N4BP2: variants seen among roughly 807,000 people sequenced by gnomAD.
N4BP2 encodes the protein NEDD4 binding protein 2.
N4BP2 carries 91 observed loss-of-function variants against 152.8 expected under a neutral mutation model. The ratio of observed to expected loss-of-function variants is 0.60; its 90% CI spans 0.50 to 0.71. The LOEUF is 0.71. Among genes scored for constraint, N4BP2 ranks in the 30% least tolerant of loss-of-function variants. The pLI is 0.00. For missense variants in N4BP2, 1,923 were observed against 2,059.1 expected (o/e 0.93, Z 1.28); for synonymous variants, 646 against 705.3 (o/e 0.92, Z 1.33).
At chr4:40,109,258 G>A (rs1716630532) in intron 5 of N4BP2, among the ~76,000 whole-genome samples, 1 of 152,144 alleles carries the variant, frequency 6.6e-6, no homozygotes, top group African/African-American at 2.4e-5. Flanking sequence ...AAAACCAAAG[G>A]AGGCAGTATG....
intron 16 of N4BP2, among the ~76,000 whole-genome samples, chr4:40,146,313 C>T (rs1448618596): frequency 6.6e-6 from 1 of 152,092 alleles, no homozygotes; most frequent in Non-Finnish European, 1.5e-5. Flanking sequence ...GTATATTTAA[C>T]TACACTGTCA....
chr4:40,088,050 G>A (rs1238127459), intron 2 of N4BP2, among the ~76,000 whole-genome samples: 1 of 152,060 alleles, frequency 6.6e-6, no homozygotes, highest in Non-Finnish European at 1.5e-5. Flanking sequence ...GAGCCACCAC[G>A]CCCGGCTACG....
At chr4:40,079,515 C>T (rs1713141472) in intron 2 of N4BP2, among the ~76,000 whole-genome samples, 1 of 149,186 alleles carries the variant, frequency 6.7e-6, no homozygotes, top group Admixed American at 6.8e-5. Context: ...CAAATAATGT[C>T]AGTATTGACC....
chr4:40,184,326 A>AT, the N4BP2 span, among the ~76,000 whole-genome samples: 5 of 149,274 alleles, frequency 3.3e-5, no homozygotes, highest in African/African-American at 1.2e-4. Context: ...ACTTCACATT[A>AT]TTTTTTTTTC....
intron 11 of N4BP2, among the ~76,000 whole-genome samples, chr4:40,125,732 C>CA (rs1408567585): frequency 3.9e-5 from 6 of 151,990 alleles, no homozygotes; most frequent in Non-Finnish European, 8.8e-5. Flanking sequence ...ACTAAAAATA[C>CA]AAAAACTAGC....
intron 12 of N4BP2, 42 bp downstream of exon 12, chr4:40,126,372 G>A: frequency 1.0e-6 from 1 of 977,716 alleles, no homozygotes; most frequent in Non-Finnish European, 1.5e-6. Flanking sequence ...CTCTGATTCT[G>A]GTTTATTGTG....
intron 2 of N4BP2, among the ~76,000 whole-genome samples, chr4:40,094,866 C>T (rs1366348997): frequency 6.6e-6 from 1 of 151,236 alleles, no homozygotes; most frequent in African/African-American, 2.4e-5. Context: ...GTGATCTTGG[C>T]TCACTGCACC....
At chr4:40,124,109 T>G in intron 10 of N4BP2, 51 bp from the exon 11 acceptor site, 1 of 1,423,834 alleles carries the variant, frequency 7.0e-7, no homozygotes. Context: ...GTATCCTTGT[T>G]TACTAATGCA....
At chr4:40,115,937 A>C (rs1426728674) in intron 7 of N4BP2, among the ~76,000 whole-genome samples, 2 of 152,154 alleles carry the variant, frequency 1.3e-5, no homozygotes, top group African/African-American at 4.8e-5. Flanking sequence ...TCTCCTTATA[A>C]TTCTGCCTAT....
intron 14 of N4BP2, chr4:40,142,206 AT>A (rs1720076908): frequency 4.1e-6 from 1 of 245,468 alleles, no homozygotes; most frequent in African/African-American, 2.3e-5. Context: ...CTCTGCACTT[AT>A]TCTCTTAAAT....
intron 1 of N4BP2, among the ~76,000 whole-genome samples, chr4:40,060,754 C>T (rs924114211): frequency 6.7e-6 from 1 of 150,062 alleles, no homozygotes. Flanking sequence ...AGGCACATAC[C>T]GCTGTGCCTG....
Position 40,155,613 on chromosome 4 carries a change from C to G in N4BP2, c.*1376C>G, listed in dbSNP as rs2109297318. 1 of 152,020 alleles carries G rather than the reference C, an allele frequency of 6.6e-6. No homozygotes were observed. Among genetic ancestry groups the G allele is most frequent in the South Asian group, 2.1e-4 (1 of 4,826 alleles). 9.4% of individuals were successfully genotyped at this position (152,020 alleles called of 1,614,324 possible). On this transcript the variant is annotated 3_prime_UTR_variant, in exon 18 of 18. Transcript: ENST00000261435. ...TATAATGTGGTAAGGTATAATTTTCCAATATGAGACAATGGCTTAAATTTG... is the reference window on the plus strand; with the variant it reads ...TATAATGTGGTAAGGTATAATTTTCGAATATGAGACAATGGCTTAAATTTG...
chr4:40,183,883 T>A, the N4BP2 span, among the ~76,000 whole-genome samples: 1 of 152,224 alleles, frequency 6.6e-6, no homozygotes, highest in African/African-American at 2.4e-5. Flanking sequence ...TCAAGGCATC[T>A]AATTCTCCAC....
intron 13 of N4BP2, among the ~76,000 whole-genome samples, chr4:40,136,050 A>G (rs1439798442): frequency 6.6e-6 from 1 of 152,214 alleles, no homozygotes; most frequent in African/African-American, 2.4e-5. Context: ...TTCATTCTAC[A>G]GATAATATAG....
Position 40,097,338 on chromosome 4 carries a change from A to G in N4BP2, c.-3A>G, listed in dbSNP as rs754522599. The G allele has an allele frequency of 1.2e-6, 2 of 1,611,020 alleles. No individual in the cohort carries two copies. The highest frequency in any genetic ancestry group is 1.7e-6 in the Non-Finnish European group (2 of 1,177,664). ...GGGAAACATTTTAGTTTTGGAAGTCAGAATGCCAAGGAGAAGGAAAAATCT... is the reference window on the plus strand; with the variant it reads ...GGGAAACATTTTAGTTTTGGAAGTCGGAATGCCAAGGAGAAGGAAAAATCT... On this transcript the variant is annotated 5_prime_UTR_variant, in exon 3 of 18. Transcript: ENST00000261435.
chr4:40,154,314 T>A lies in N4BP2; in HGVS notation c.*77T>A. ...TTATTTGCAGTAATTCAGTCAATTC[T>A]ACCCTAAAGATGTGTTTTATTATAA... is the stretch of plus-strand genomic sequence containing the variant. On this transcript the variant is annotated 3_prime_UTR_variant, in exon 18 of 18. Coordinates refer to ENST00000261435, the MANE Select transcript of N4BP2 (RefSeq NM_018177.6). The A allele has an allele frequency of 1.1e-6, 1 of 872,254 alleles. No individual in the cohort carries two copies. The highest frequency in any genetic ancestry group is 1.8e-6 in the Non-Finnish European group (1 of 553,962). 54.0% of individuals were successfully genotyped at this position (872,254 alleles called of 1,614,324 possible).
intron 1 of N4BP2, among the ~76,000 whole-genome samples, chr4:40,071,370 C>G (rs749068187): frequency 3.9e-5 from 6 of 152,112 alleles, no homozygotes; most frequent in Non-Finnish European, 7.4e-5. Flanking sequence ...AAGAGTATCT[C>G]ATTTAGTAAT....
intron 5 of N4BP2, 102 bp downstream of exon 5, chr4:40,107,126 G>A (rs960232871): frequency 2.4e-6 from 3 of 1,248,276 alleles, no homozygotes; most frequent in East Asian, 2.5e-5. Flanking sequence ...TTGAGACAGG[G>A]TCTCGCTGTG....
At chr4:40,175,017 A>ATTTTG in the N4BP2 span, among the ~76,000 whole-genome samples, 59 of 152,116 alleles carry the variant, frequency 3.9e-4, no homozygotes, top group Middle Eastern at 6.8e-3. Flanking sequence ...TGCATGTAAA[A>ATTTTG]TTTTGTTTTG....
Sources: allele counts gnomAD v4.1 joint callset (sites outside exome capture counted in the v4.1 genomes callset), GRCh38; gene constraint gnomAD v4.1.1; transcripts MANE v1.5; gene names NCBI Gene and HGNC (gene_info 2026-07-23, HGNC 2026-07-21).